DLC1: variants seen among roughly 807,000 people sequenced by gnomAD.
DLC1 encodes DLC1 Rho GTPase activating protein.
Under a neutral mutation model 140.3 loss-of-function variants are expected in DLC1, and 54 were observed. That is an observed-to-expected ratio of 0.38 (90% CI 0.31 to 0.48). The LOEUF is 0.48. Among genes scored for constraint, DLC1 ranks in the 20% least tolerant of loss-of-function variants. The probability of loss-of-function intolerance (pLI) is 0.96; values close to 1 mark genes in which losing one functional copy is unlikely to be tolerated. For synonymous variants in DLC1, 986 were observed against 728.1 expected, an observed-to-expected ratio of 1.35 and a Z score of -5.70; for missense variants, 2,536 against 1,907.0, an observed-to-expected ratio of 1.33 and a Z score of -6.14.
chr8:13,110,395 C>T (rs60361204), intron 7 of DLC1, among the ~76,000 whole-genome samples: 2,589 of 152,212 alleles, frequency 0.017, 78 homozygotes, highest in African/African-American at 0.059. Flanking sequence ...TATGCCACCC[C>T]CCATTTATTC....
upstream of DLC1, chr8:13,515,541 G>A (rs1025769386): frequency 2.0e-5 from 3 of 152,188 alleles, no homozygotes; most frequent in African/African-American, 7.2e-5. Context: ...GAGTCTTGCT[G>A]ACATTAAACA....
chr8:13,132,863 G>C, intron 5 of DLC1: 5 of 1,507,730 alleles, frequency 3.3e-6, no homozygotes, highest in South Asian at 1.2e-5. Flanking sequence ...TGACAAGGCG[G>C]GGTGACACTT....
intron 1 of DLC1, among the ~76,000 whole-genome samples, chr8:13,551,189 G>T (rs1326262745): frequency 6.6e-6 from 1 of 151,584 alleles, no homozygotes; most frequent in Non-Finnish European, 1.5e-5. Flanking sequence ...AATACTTGGT[G>T]AGTTAAATGA....
intron 1 of DLC1, among the ~76,000 whole-genome samples, chr8:13,555,731 G>A (rs1319696377): frequency 2.0e-5 from 3 of 151,508 alleles, no homozygotes; most frequent in African/African-American, 7.3e-5. Context: ...CAAACTCCTG[G>A]CCTCAAGTGA....
intron 5 of DLC1, among the ~76,000 whole-genome samples, chr8:13,206,424 G>C (rs1827667231): frequency 6.6e-6 from 1 of 152,116 alleles, no homozygotes; most frequent in Admixed American, 6.6e-5. Flanking sequence ...TCGGCTTATA[G>C]TATTTGCTAA....
chr8:13,290,422 C>G (rs1831712750), intron 5 of DLC1, among the ~76,000 whole-genome samples: 1 of 152,110 alleles, frequency 6.6e-6, no homozygotes, highest in South Asian at 2.1e-4. Context: ...AATTATGGGG[C>G]ACACTTTAGC....
At chr8:13,268,420 T>C (rs1289363576) in intron 5 of DLC1, among the ~76,000 whole-genome samples, 1 of 152,064 alleles carries the variant, frequency 6.6e-6, no homozygotes, top group Non-Finnish European at 1.5e-5. Context: ...GTTCACGCCA[T>C]TCTCCTGCCT....
chr8:13,202,005 G>A (rs988078942), intron 5 of DLC1, among the ~76,000 whole-genome samples: 8 of 149,794 alleles, frequency 5.3e-5, no homozygotes, highest in African/African-American at 2.0e-4. Context: ...GAGTGCAGTG[G>A]TGCGATCTCG....
Position 13,401,472 on chromosome 8 carries a change from G to C in DLC1, c.1171C>G (p.Pro391Ala). The C allele has an allele frequency of 1.2e-6, 2 of 1,612,180 alleles. No homozygotes were observed. The highest frequency in any genetic ancestry group is 1.7e-6 in the Non-Finnish European group (2 of 1,179,934). Residue 391 changes from proline (P) to alanine (A), a missense_variant and splice_region_variant, in exon 3 of 18, where the codon CCT becomes GCT. Transcript: ENST00000276297. ...GAAGTAGAAAGTGGAAAGCTCACAGGAACGTGCCGCCGCAGGTTTGTTGGT... is the reference window on the plus strand; with the variant it reads ...GAAGTAGAAAGTGGAAAGCTCACAGCAACGTGCCGCCGCAGGTTTGTTGGT... ...GTPTNLRRHV[P>A]DLESGSESGA...
rs143310533 is a variant in DLC1 at position 13,126,159 on chromosome 8, G to A, written c.1349-10502C>T. Among the ~76,000 whole-genome samples the A allele has an allele frequency of 5.9e-5, 9 of 152,246 alleles. No individual in the cohort carries two copies. The East Asian group carries it at 1.5e-3, about 26-fold the overall frequency. ...TGGCTCCATCAGGCCCTCTAGGCTTGTGCGGATCCAGTTATTTCCAGGAAC... is the reference window on the plus strand; with the variant it reads ...TGGCTCCATCAGGCCCTCTAGGCTTATGCGGATCCAGTTATTTCCAGGAAC... On this transcript the variant is annotated intron_variant, in intron 5 of 17. Coordinates refer to ENST00000276297, the MANE Select transcript of DLC1 (RefSeq NM_182643.3).
intron 5 of DLC1, among the ~76,000 whole-genome samples, chr8:13,301,944 A>T (rs1313083600): frequency 6.6e-6 from 1 of 152,218 alleles, no homozygotes; most frequent in Non-Finnish European, 1.5e-5. Context: ...GTTTTCCATG[A>T]AACTGGTTCC....
chr8:13,189,615 T>G (rs1266252931), intron 5 of DLC1, among the ~76,000 whole-genome samples: 3 of 148,630 alleles, frequency 2.0e-5, no homozygotes, highest in Non-Finnish European at 4.5e-5. Flanking sequence ...GGGCGCTGTG[T>G]CTCATGCCTG....
chr8:13,104,208 G>A (rs145974472), intron 7 of DLC1, among the ~76,000 whole-genome samples: 5 of 152,064 alleles, frequency 3.3e-5, no homozygotes, highest in South Asian at 2.1e-4. Flanking sequence ...ATCTTACCGG[G>A]TTCAAAATTA....
chr8:13,430,846 A>T (rs1352998397), intron 2 of DLC1, among the ~76,000 whole-genome samples: 2 of 152,248 alleles, frequency 1.3e-5, no homozygotes, highest in African/African-American at 4.8e-5. Context: ...ATTTCCAATA[A>T]TAGATTATAT....
At chr8:13,102,745 T>G in intron 8 of DLC1, 45 bp downstream of exon 8, 3 of 1,538,482 alleles carry the variant, frequency 1.9e-6, no homozygotes, top group Non-Finnish European at 2.7e-6. Context: ...ACTTTTTTGT[T>G]TGCCCCTTTT....
rs550806016 is a variant in DLC1 at position 13,115,312 on chromosome 8, T to C, written c.1420+274A>G. 2.0e-4 allele frequency among the ~76,000 whole-genome samples: 31 copies of C among 152,272 alleles called. No individual in the cohort carries two copies. In the South Asian group the frequency reaches 3.7e-3, roughly 18 times the overall value. On this transcript the variant is annotated intron_variant, in intron 6 of 17. Coordinates refer to ENST00000276297, the MANE Select transcript of DLC1 (RefSeq NM_182643.3). ...GTACTTTTCAGGAAATGGAGTAGAA[T>C]TATACAAAAAGAAAGCAAGAAAATG...
intron 5 of DLC1, among the ~76,000 whole-genome samples, chr8:13,265,596 C>G (rs1369506725): frequency 2.6e-5 from 4 of 152,064 alleles, no homozygotes; most frequent in South Asian, 4.1e-4. Flanking sequence ...GTCATAGTCT[C>G]CAAGACAGCA....
intron 5 of DLC1, among the ~76,000 whole-genome samples, chr8:13,262,541 T>C (rs1001137193): frequency 2.6e-5 from 4 of 152,184 alleles, no homozygotes; most frequent in South Asian, 2.1e-4. Context: ...GTGGAGTTGA[T>C]TGAACCATAT....
chr8:13,297,537 A>T (rs1477812261), intron 5 of DLC1, among the ~76,000 whole-genome samples: 1 of 152,122 alleles, frequency 6.6e-6, no homozygotes, highest in Non-Finnish European at 1.5e-5. Flanking sequence ...CAAATAGAGC[A>T]AAACATTTGC....
Sources: gnomAD v4.1 joint callset for allele counts (sites outside exome capture counted in the v4.1 genomes callset) on GRCh38, gnomAD v4.1.1 for gene constraint, MANE v1.5 for transcripts, NCBI Gene and HGNC (gene_info 2026-07-23, HGNC 2026-07-21) for gene names.